The following TNRC6C variants were observed in gnomAD, a reference collection of about 807,000 sequenced individuals.
TNRC6C encodes trinucleotide repeat containing adaptor 6C, also known as trinucleotide repeat-containing gene 6C protein.
In TNRC6C, 20 loss-of-function variants were observed where a neutral mutation model predicts 153.7. The observed-to-expected ratio is 0.13, with a 90% confidence interval of 0.09 to 0.19. The LOEUF (loss-of-function observed/expected upper bound fraction) is 0.19, where lower values mean the gene tolerates loss of function less well. Ranked by LOEUF, TNRC6C falls within the 10% of genes least tolerant of loss-of-function variation. The probability of loss-of-function intolerance (pLI) is 1.00; values close to 1 mark genes in which losing one functional copy is unlikely to be tolerated. For synonymous variants in TNRC6C, 811 were observed against 841.4 expected (o/e 0.96, Z 0.63); for missense variants, 1,987 against 2,172.0 (o/e 0.91, Z 1.69).
intron 3 of TNRC6C, among the ~76,000 whole-genome samples, chr17:78,059,314 G>C (rs2072718763): frequency 6.6e-6 from 1 of 152,156 alleles, no homozygotes; most frequent in South Asian, 2.1e-4. Context: ...GCTTTTTGTG[G>C]ATGTGGGATT....
At chr17:78,028,952 G>A (rs1353429851) in intron 1 of TNRC6C, among the ~76,000 whole-genome samples, 1 of 152,198 alleles carries the variant, frequency 6.6e-6, no homozygotes, top group African/African-American at 2.4e-5. Context: ...TCGGCGTGCA[G>A]AATTACTACT....
Position 78,075,521 on chromosome 17 carries a change from A to G in TNRC6C, c.3060+243A>G. 1 of 526,934 alleles carries G rather than the reference A, an allele frequency of 1.9e-6. No individual in the cohort carries two copies. The highest frequency in any genetic ancestry group is 3.3e-6 in the Non-Finnish European group (1 of 305,506). The allele number at this position is 526,934 out of a possible 1,614,324, so 32.6% of individuals were successfully genotyped here. A position where few individuals can be genotyped will look rare whatever the true frequency, so the allele number is the denominator to read the frequency against. On this transcript the variant is annotated intron_variant, in intron 8 of 19. Transcript: ENST00000301624. The surrounding 1 kb of genome is among the most constrained non-coding windows in gnomAD (Gnocchi z 4.2). ...ACTGATTTTCATATTTATTGTGTGA[A>G]CTTGGCTGGTTATCTGCTTCAATTT... is the stretch of plus-strand genomic sequence containing the variant.
At chr17:78,067,644 G>A in intron 4 of TNRC6C, 113 bp from the exon 7 acceptor site, 1 of 1,149,492 alleles carries the variant, frequency 8.7e-7, no homozygotes, top group Non-Finnish European at 1.2e-6. Context: ...GGCATAAAAA[G>A]GTAGATTACA....
intron 1 of TNRC6C, among the ~76,000 whole-genome samples, chr17:77,982,407 CTA>C (rs1431481406): frequency 1.3e-5 from 2 of 151,590 alleles, no homozygotes; most frequent in Non-Finnish European, 2.9e-5. Context: ...TTGATTAACT[CTA>C]GAGTAATCAC....
At chr17:78,085,751 G>C (rs1019257127) in intron 11 of TNRC6C, among the ~76,000 whole-genome samples, 2 of 151,936 alleles carry the variant, frequency 1.3e-5, no homozygotes. Context: ...CATTATTATT[G>C]AATGATTTGG....
At chr17:78,037,027 A>G (rs2072193200) in intron 2 of TNRC6C, among the ~76,000 whole-genome samples, 1 of 152,190 alleles carries the variant, frequency 6.6e-6, no homozygotes, top group Non-Finnish European at 1.5e-5. Flanking sequence ...AACGAGATGT[A>G]AATAGTAGAT....
At chr17:78,098,080 C>T (rs1032170443) in intron 16 of TNRC6C, among the ~76,000 whole-genome samples, 2 of 152,242 alleles carry the variant, frequency 1.3e-5, no homozygotes, top group African/African-American at 4.8e-5. Context: ...CTTCTCCATA[C>T]AAGTGTGTGG....
chr17:78,084,537 C>T (rs979484363), intron 11 of TNRC6C, among the ~76,000 whole-genome samples: 35 of 151,814 alleles, frequency 2.3e-4, no homozygotes, highest in African/African-American at 8.0e-4. Flanking sequence ...TATGTGTCCT[C>T]GCTTTAATGG....
chr17:78,063,850 A>C (rs1281255870), intron 3 of TNRC6C, among the ~76,000 whole-genome samples: 1 of 152,166 alleles, frequency 6.6e-6, no homozygotes, highest in Non-Finnish European at 1.5e-5. Flanking sequence ...GCAACTCACA[A>C]ATTTTTCTTA....
At chr17:78,034,497 C>T (rs184093977) in intron 2 of TNRC6C, among the ~76,000 whole-genome samples, 2 of 151,566 alleles carry the variant, frequency 1.3e-5, no homozygotes, top group East Asian at 1.9e-4. Context: ...AGTTCATTGT[C>T]CCCCCGCACC....
chr17:78,020,278 G>T (rs1459120342), intron 1 of TNRC6C, among the ~76,000 whole-genome samples: 2 of 152,218 alleles, frequency 1.3e-5, no homozygotes, highest in African/African-American at 4.8e-5. Flanking sequence ...AAGTACGTGG[G>T]TAAACTGAGT....
intron 1 of TNRC6C, among the ~76,000 whole-genome samples, chr17:77,998,426 A>T (rs191382627): frequency 1.3e-5 from 2 of 152,152 alleles, no homozygotes; most frequent in Admixed American, 1.3e-4. Flanking sequence ...TTTTTTCTTC[A>T]CTGATCTTCC....
At chr17:77,965,847 A>G (rs186092299) in intron 1 of TNRC6C, among the ~76,000 whole-genome samples, 12 of 152,372 alleles carry the variant, frequency 7.9e-5, no homozygotes, top group Non-Finnish European at 1.5e-4. Flanking sequence ...CCAGCAGTGA[A>G]AGAAATATGT....
chr17:78,098,919 T>C (rs1340079383), intron 17 of TNRC6C, among the ~76,000 whole-genome samples: 1 of 152,210 alleles, frequency 6.6e-6, no homozygotes, highest in African/African-American at 2.4e-5. Flanking sequence ...CACAGGGATC[T>C]GGATTTCTGC....
chr17:78,076,757 G>A (rs1013564640), intron 8 of TNRC6C, among the ~76,000 whole-genome samples: 8 of 152,116 alleles, frequency 5.3e-5, no homozygotes, highest in South Asian at 2.1e-4. Context: ...CCTCTTCTTA[G>A]ATTACACCCT....
intron 19 of TNRC6C, among the ~76,000 whole-genome samples, chr17:78,103,930 A>T (rs139199521): frequency 6.6e-6 from 1 of 152,202 alleles, no homozygotes. Context: ...ACGTAGTCAC[A>T]TGGGGAGGTA....
chr17:78,074,390 C>T (rs1354828377), intron 7 of TNRC6C, among the ~76,000 whole-genome samples: 1 of 152,120 alleles, frequency 6.6e-6, no homozygotes, highest in Non-Finnish European at 1.5e-5. Flanking sequence ...GCAAGTAGGC[C>T]AGCTTTACAA....
Position 78,006,552 on chromosome 17 carries a change from CTT to C in TNRC6C, c.-546+1474_-546+1475del, listed in dbSNP as rs11470325. On this transcript the variant is annotated intron_variant, in intron 1 of 19. Coordinates refer to ENST00000301624, the Ensembl canonical transcript of TNRC6C. ...TCTTCTTCTTCTTCTTCTTCTTCTT[CTT>C]CTTCTTCCTTCTTCCTTCTTCCTTC... 9.7e-3 allele frequency among the ~76,000 whole-genome samples: 613 copies of C among 62,874 alleles called. 3 individuals are homozygous for C. Among genetic ancestry groups the C allele is most frequent in the African/African-American group, 0.033 (441 of 13,294 alleles). 41.2% of individuals were successfully genotyped at this position (62,874 alleles called of 152,430 possible). A position where few individuals can be genotyped will look rare whatever the true frequency, so the allele number is the denominator to read the frequency against.
intron 2 of TNRC6C, among the ~76,000 whole-genome samples, chr17:78,036,648 G>A (rs1014016732): frequency 2.6e-5 from 4 of 152,148 alleles, no homozygotes; most frequent in Non-Finnish European, 5.9e-5. Context: ...CATAGGCCGG[G>A]CGCGTTGGCT....
Sources: gnomAD v4.1 joint callset for allele counts (sites outside exome capture counted in the v4.1 genomes callset) on GRCh38, gnomAD v4.1.1 for gene constraint, Gnocchi (gnomAD v3.1) non-coding constraint, MANE v1.5 for transcripts, NCBI Gene and HGNC (gene_info 2026-07-23, HGNC 2026-07-21) for gene names.